The following SNTB2 variants were observed in gnomAD, a reference collection of about 807,000 sequenced individuals.
SNTB2 encodes the protein syntrophin beta 2.
In SNTB2, 34 loss-of-function variants were observed where a neutral mutation model predicts 46.2. That is an observed-to-expected ratio of 0.74 (90% CI 0.56 to 0.98). SNTB2 has a LOEUF of 0.98. Among genes scored for constraint, SNTB2 ranks in the 50% least tolerant of loss-of-function variants. SNTB2 has a pLI of 0.00. For synonymous variants in SNTB2, 290 were observed against 312.6 expected, an observed-to-expected ratio of 0.93 and a Z score of 0.76; for missense variants, 603 against 731.4, an observed-to-expected ratio of 0.82 and a Z score of 2.02.
chr16:69,245,989 G>A (rs1964667202), intron 2 of SNTB2, among the ~76,000 whole-genome samples, 174 bp downstream of exon 2: 1 of 152,102 alleles, frequency 6.6e-6, no homozygotes, highest in South Asian at 2.1e-4. Context: ...ACATGTATAT[G>A]TGTAGAAAAA....
rs529607417 is a variant in SNTB2 at position 69,234,097 on chromosome 16, C to T, written c.581-11505C>T. On this transcript the variant is annotated intron_variant, in intron 1 of 6. Transcript: ENST00000336278. The stretch of plus-strand genomic sequence containing the variant: ...CTATAATCCCAGCACTTTGGTAGGC[C>T]GAAGCAGCAGATTGCTTGAGCCTAG... Among the ~76,000 whole-genome samples, 6 of 152,142 alleles carry T rather than the reference C, an allele frequency of 3.9e-5. No homozygotes were observed. The East Asian group carries it at 5.8e-4, about 15-fold the overall frequency.
At chr16:69,218,624 T>A (rs1213482646) in intron 1 of SNTB2, among the ~76,000 whole-genome samples, 1 of 152,096 alleles carries the variant, frequency 6.6e-6, no homozygotes, top group Non-Finnish European at 1.5e-5. Context: ...GGTTTCACTG[T>A]GTTAGCCAGG....
At chr16:69,257,948 A>G (rs1487014865) in intron 2 of SNTB2, among the ~76,000 whole-genome samples, 2 of 152,276 alleles carry the variant, frequency 1.3e-5, no homozygotes, top group Non-Finnish European at 2.9e-5. Flanking sequence ...ATAAATGTTT[A>G]TTTAAGAAAG....
At chr16:69,299,829 A>T in intron 6 of SNTB2, 55 bp downstream of exon 6, 1 of 1,530,890 alleles carries the variant, frequency 6.5e-7, no homozygotes, top group Admixed American at 1.8e-5. Context: ...TTTCCTTCTC[A>T]TTACTTCTTA....
rs1284505703 is a variant in SNTB2, at chr16:69,187,501, C to T, written c.335C>T (p.Pro112Leu). ...GCGGGTGAGGCGGGCGCGTCGCCGC[C>T]CGTGCGCCGGGTGCGGGTGGTGAAG... ...GPAGEAGASPPVRRVRVVKQE... is the reference protein window; with the variant it reads ...GPAGEAGASPLVRRVRVVKQE... The change falls in exon 1 of 7, where the codon CCC (proline) becomes CTC (leucine). Residue 112 changes from proline to leucine, a missense_variant. By Grantham distance (98) the Pro-to-Leu change is moderately conservative. This residue lies in a region of SNTB2 where 537 missense variants were observed against 692.4 expected (regional missense o/e 0.78). Coordinates refer to ENST00000336278, the MANE Select transcript of SNTB2 (RefSeq NM_006750.4). The T allele has an allele frequency of 1.0e-5, 13 of 1,279,458 alleles. No homozygotes were observed. The highest frequency in any genetic ancestry group is 1.5e-5 in the African/African-American group (1 of 65,754). 79.3% of individuals were successfully genotyped at this position (1,279,458 alleles called of 1,614,324 possible). A position where few individuals can be genotyped will look rare whatever the true frequency, so the allele number is the denominator to read the frequency against.
At chr16:69,188,048 G>A (rs937366421) in intron 1 of SNTB2, among the ~76,000 whole-genome samples, 1 of 151,966 alleles carries the variant, frequency 6.6e-6, no homozygotes, top group African/African-American at 2.4e-5. Flanking sequence ...AGAGCGAACG[G>A]CTCGAGTGGG....
chr16:69,297,423 G>T (rs1567417723), intron 5 of SNTB2, among the ~76,000 whole-genome samples: 2 of 149,284 alleles, frequency 1.3e-5, no homozygotes, highest in East Asian at 2.0e-4. Flanking sequence ...TTTGAGACCA[G>T]CCTGACCAAC....
chr16:69,193,112 C>T (rs1344125409), intron 1 of SNTB2, among the ~76,000 whole-genome samples: 2 of 151,744 alleles, frequency 1.3e-5, no homozygotes, highest in Non-Finnish European at 2.9e-5. Flanking sequence ...TACACCTAGG[C>T]AGGTGTGGTT....
At chr16:69,290,775 CTCTGGGGCAGATG>C (rs888119369) in intron 5 of SNTB2, among the ~76,000 whole-genome samples, 1 of 152,152 alleles carries the variant, frequency 6.6e-6, no homozygotes, top group Non-Finnish European at 1.5e-5. Flanking sequence ...ACACACAACT[CTCTGGGGCAGATG>C]TTGTCACCTG....
At chr16:69,261,542 AAT>A (rs1964834878) in intron 3 of SNTB2, among the ~76,000 whole-genome samples, 1 of 152,128 alleles carries the variant, frequency 6.6e-6, no homozygotes, top group South Asian at 2.1e-4. Flanking sequence ...ATGAGAATGT[AAT>A]ATTAGTACAG....
At chr16:69,293,809 G>C (rs1175354319) in intron 5 of SNTB2, among the ~76,000 whole-genome samples, 3 of 152,164 alleles carry the variant, frequency 2.0e-5, no homozygotes, top group Admixed American at 2.0e-4. Context: ...CAAGGCACAG[G>C]TGAGGGGATT....
Position 69,245,672 on chromosome 16 carries a change from T to C in SNTB2, c.651T>C (p.Gly217=). The change falls in exon 2 of 7, where the codon GGT becomes GGC. Residue 217 remains glycine, a synonymous_variant. Coordinates refer to ENST00000336278, the MANE Select transcript of SNTB2 (RefSeq NM_006750.4). The part of the protein sequence containing the change: ...PSLVSDLPWE[G]AAPQSPSFSG... ...TAGTATCAGATCTGCCGTGGGAAGG[T>C]GCAGCCCCCCAGTCACCAAGCTTTA... 2 of 1,614,122 alleles carry C rather than the reference T, an allele frequency of 1.2e-6. No homozygotes were observed. Among genetic ancestry groups the C allele is most frequent in the Non-Finnish European group, 1.7e-6 (2 of 1,180,004 alleles).
chr16:69,196,231 C>T (rs1363368302), intron 1 of SNTB2, among the ~76,000 whole-genome samples: 2 of 151,898 alleles, frequency 1.3e-5, no homozygotes, highest in East Asian at 3.9e-4. Context: ...GGAGCAAGAC[C>T]CTGTCTCAAA....
chr16:69,208,533 T>C (rs72789257), intron 1 of SNTB2, among the ~76,000 whole-genome samples: 2,200 of 152,350 alleles, frequency 0.014, 26 homozygotes, highest in Middle Eastern at 0.027. Flanking sequence ...TGTTTCTCAT[T>C]GTTATACTGC....
At chr16:69,215,665 T>G (rs1229466007) in intron 1 of SNTB2, among the ~76,000 whole-genome samples, 1 of 152,222 alleles carries the variant, frequency 6.6e-6, no homozygotes, top group Non-Finnish European at 1.5e-5. Context: ...ATGATGTTAG[T>G]GTGACAGGTT....
chr16:69,221,897 T>A (rs1964408813), intron 1 of SNTB2, among the ~76,000 whole-genome samples: 2 of 152,226 alleles, frequency 1.3e-5, no homozygotes, highest in African/African-American at 4.8e-5. Flanking sequence ...AGAAGACTCA[T>A]GGAACTCAGG....
At chr16:69,208,469 C>T (rs1964246616) in intron 1 of SNTB2, among the ~76,000 whole-genome samples, 3 of 150,278 alleles carry the variant, frequency 2.0e-5, no homozygotes, top group African/African-American at 7.3e-5. Context: ...GGCTTCTTTT[C>T]CTTAGCTTAC....
intron 1 of SNTB2, among the ~76,000 whole-genome samples, chr16:69,204,903 A>G (rs886932040): frequency 1.3e-5 from 2 of 152,176 alleles, no homozygotes; most frequent in African/African-American, 2.4e-5. Context: ...AATGAAAACT[A>G]TTTATTCAAG....
chr16:69,265,206 G>A (rs1964872939), intron 3 of SNTB2, among the ~76,000 whole-genome samples: 2 of 151,898 alleles, frequency 1.3e-5, no homozygotes, highest in African/African-American at 2.4e-5. Context: ...CCGAGATCGC[G>A]CCACTGCACT....
Sources: gnomAD v4.1 joint callset for allele counts (sites outside exome capture counted in the v4.1 genomes callset) on GRCh38, gnomAD v4.1.1 for gene constraint, gnomAD v4.1.1 regional missense constraint, MANE v1.5 for transcripts, NCBI Gene and HGNC (gene_info 2026-07-23, HGNC 2026-07-21) for gene names.